The following DOCK4 variants were observed in gnomAD, a reference collection of about 807,000 sequenced individuals.
The protein encoded by DOCK4 is dedicator of cytokinesis 4, also known as dedicator of cytokinesis protein 4.
Under a neutral mutation model 268.1 loss-of-function variants are expected in DOCK4, and 97 were observed. The observed-to-expected ratio is 0.36, with a 90% CI of 0.31 to 0.43. The LOEUF (loss-of-function observed/expected upper bound fraction) is 0.43, where lower values mean the gene tolerates loss of function less well. DOCK4 is among the 20% of genes least tolerant of loss of function. The pLI is 1.00. For missense variants in DOCK4, 2,145 were observed against 2,455.7 expected (o/e 0.87, Z 2.67); for synonymous variants, 954 against 887.2 (o/e 1.08, Z -1.34).
chr7:111,913,307 A>G (rs1784470015), intron 13 of DOCK4, among the ~76,000 whole-genome samples: 2 of 151,980 alleles, frequency 1.3e-5, no homozygotes, highest in Non-Finnish European at 2.9e-5. Flanking sequence ...CTGTGGCTCA[A>G]GCCTATCATC....
At chr7:111,783,769 A>T in intron 34 of DOCK4, 88 bp downstream of exon 34, 1 of 1,176,810 alleles carries the variant, frequency 8.5e-7, no homozygotes, top group South Asian at 1.3e-5. Context: ...GTGATTCACA[A>T]GAGTGGAACG....
Position 111,895,658 on chromosome 7 carries a change from T to C in DOCK4, c.1541A>G (p.Asp514Gly), listed in dbSNP as rs988692739. 3 of 1,613,956 alleles carry C rather than the reference T, an allele frequency of 1.9e-6. No homozygotes were observed. The highest frequency in any genetic ancestry group is 2.5e-6 in the Non-Finnish European group (3 of 1,179,864). Reference sequence around the variant, plus strand: ...AGTGCCATCTGGAAGAGTCCTACCATCTTCTTGCATCAGAGGGACAAAAGA... The same window carrying C: ...AGTGCCATCTGGAAGAGTCCTACCACCTTCTTGCATCAGAGGGACAAAAGA... ...GFSFVPLMQE[D>G]GRTLPDGTHE... Residue 514 changes from aspartate (D) to glycine (G), a missense_variant, in exon 16 of 53, where the codon GAT (aspartate) becomes GGT (glycine). By Grantham distance (94) the Asp-to-Gly change is moderately conservative. This residue lies in a region of DOCK4 where 1,598 missense variants were observed against 1,986.7 expected (regional missense o/e 0.80). Coordinates refer to ENST00000428084, the MANE Select transcript of DOCK4 (RefSeq NM_001363540.2).
intron 22 of DOCK4, among the ~76,000 whole-genome samples, chr7:111,865,870 C>G (rs939746880): frequency 6.6e-6 from 1 of 152,202 alleles, no homozygotes; most frequent in Admixed American, 6.5e-5. Flanking sequence ...AGCACCTCCC[C>G]CCACCGGCTG....
intron 1 of DOCK4, among the ~76,000 whole-genome samples, chr7:112,014,981 C>T (rs1466576457): frequency 1.3e-5 from 2 of 152,074 alleles, no homozygotes; most frequent in Non-Finnish European, 2.9e-5. Context: ...AGAGTGACTC[C>T]ATATTGAACA....
At chr7:112,201,248 G>C (rs770247683) in intron 1 of DOCK4, among the ~76,000 whole-genome samples, 1 of 152,020 alleles carries the variant, frequency 6.6e-6, no homozygotes, top group Non-Finnish European at 1.5e-5. Context: ...AACATAGAAG[G>C]GGCTTTAAAA....
At chr7:111,916,221 A>G (rs759267500) in intron 12 of DOCK4, among the ~76,000 whole-genome samples, 1 of 152,110 alleles carries the variant, frequency 6.6e-6, no homozygotes, top group Non-Finnish European at 1.5e-5. Flanking sequence ...GCCAACACTT[A>G]TTCCAGAAGT....
At chr7:111,955,486 G>T (rs1002360947) in intron 8 of DOCK4, among the ~76,000 whole-genome samples, 1 of 152,168 alleles carries the variant, frequency 6.6e-6, no homozygotes, top group African/African-American at 2.4e-5. Context: ...GACACAACAG[G>T]AGACATATTT....
chr7:111,739,344 G>A, intron 48 of DOCK4, 52 bp downstream of exon 48: 2 of 1,595,214 alleles, frequency 1.3e-6, no homozygotes, highest in South Asian at 2.2e-5. Flanking sequence ...CAGTTCCCAG[G>A]ACTAGAAGGT....
intron 16 of DOCK4, among the ~76,000 whole-genome samples, chr7:111,887,472 A>C (rs1003932734): frequency 6.6e-6 from 1 of 152,196 alleles, no homozygotes; most frequent in African/African-American, 2.4e-5. Flanking sequence ...GAGTCCTCAA[A>C]GAGGAGGAAG....
chr7:112,071,411 A>C (rs886735725), intron 1 of DOCK4, among the ~76,000 whole-genome samples: 1 of 152,174 alleles, frequency 6.6e-6, no homozygotes, highest in African/African-American at 2.4e-5. Flanking sequence ...ATCAATACTG[A>C]CCGAGGAGAA....
chr7:112,061,981 T>C lies in DOCK4; in HGVS notation c.38-57850A>G, dbSNP rs371928441. ...CATTATTTAATTCTCAAAACAGACC[T>C]GTGCAGTAGGTACAATTATGTGGTA... On this transcript the variant is annotated intron_variant, in intron 1 of 52. Transcript: ENST00000428084. Among the ~76,000 whole-genome samples the C allele has an allele frequency of 1.4e-4, 22 of 152,294 alleles. No individual in the cohort carries two copies. In the East Asian group the frequency reaches 4.2e-3, roughly 29 times the overall value.
chr7:111,868,290 T>G (rs1263184724), intron 21 of DOCK4, 136 bp from the exon 22 acceptor site: 1 of 571,566 alleles, frequency 1.7e-6, no homozygotes, highest in Admixed American at 4.0e-5. Context: ...TTGTGAGGCT[T>G]TTTTGAACAG....
chr7:111,845,714 G>T (rs1804044443), intron 24 of DOCK4, among the ~76,000 whole-genome samples: 1 of 152,156 alleles, frequency 6.6e-6, no homozygotes, highest in Admixed American at 6.5e-5. Context: ...AAACTACCAA[G>T]ATTTTCCCTC....
chr7:111,924,115 T>C (rs1209864206), intron 12 of DOCK4, among the ~76,000 whole-genome samples: 2 of 152,208 alleles, frequency 1.3e-5, no homozygotes, highest in East Asian at 1.9e-4. Context: ...TGTTTTCTTT[T>C]TCATTAGAAA....
At chr7:111,826,995 T>G (rs1802450099) in intron 26 of DOCK4, among the ~76,000 whole-genome samples, 4 of 152,006 alleles carry the variant, frequency 2.6e-5, no homozygotes, top group Admixed American at 2.6e-4. Flanking sequence ...GAAACATGAG[T>G]TAAGACATCC....
chr7:111,784,217 A>T, intron 32 of DOCK4, 94 bp from the exon 33 acceptor site: 1 of 1,358,694 alleles, frequency 7.4e-7, no homozygotes. Context: ...TTCAAAATAT[A>T]CAAGCATCTC....
At chr7:112,148,124 C>T (rs1815693667) in intron 1 of DOCK4, among the ~76,000 whole-genome samples, 1 of 151,890 alleles carries the variant, frequency 6.6e-6, no homozygotes, top group African/African-American at 2.4e-5. Flanking sequence ...ACGGCATTGT[C>T]CTGGAAAGAC....
chr7:111,911,851 C>T (rs543248060), intron 13 of DOCK4, among the ~76,000 whole-genome samples: 1 of 151,984 alleles, frequency 6.6e-6, no homozygotes, highest in East Asian at 1.9e-4. Context: ...AATTTGCTTC[C>T]CAGTGGGATG....
At chr7:112,045,650 C>T (rs1804762847) in intron 1 of DOCK4, among the ~76,000 whole-genome samples, 1 of 152,172 alleles carries the variant, frequency 6.6e-6, no homozygotes, top group South Asian at 2.1e-4. Context: ...AAACTTAGCA[C>T]TTGCCTGAAA....
Sources: allele counts gnomAD v4.1 joint callset (sites outside exome capture counted in the v4.1 genomes callset), GRCh38; gene constraint gnomAD v4.1.1; regional missense constraint gnomAD v4.1.1; transcripts MANE v1.5; gene names NCBI Gene and HGNC (gene_info 2026-07-23, HGNC 2026-07-21).